Variants in ZNF831 observed in about 807,000 individuals in gnomAD.
ZNF831 encodes the protein zinc finger protein 831.
Under a neutral mutation model 95.8 loss-of-function variants are expected in ZNF831, and 59 were observed. The ratio of observed to expected loss-of-function variants is 0.62; its 90% confidence interval spans 0.50 to 0.77. ZNF831 has a LOEUF of 0.77. ZNF831 is among the 30% of genes least tolerant of loss of function. The pLI, the probability that ZNF831 is intolerant of heterozygous loss-of-function variation, is 0.00. For missense variants in ZNF831, 2,205 were observed against 2,164.0 expected, an observed-to-expected ratio of 1.02 and a Z score of -0.38; for synonymous variants, 961 against 925.5, an observed-to-expected ratio of 1.04 and a Z score of -0.70.
chr20:59,243,693 T>C (rs1056939143), intron 4 of ZNF831, among the ~76,000 whole-genome samples: 2 of 152,210 alleles, frequency 1.3e-5, no homozygotes, highest in Non-Finnish European at 2.9e-5. Flanking sequence ...AGATATTCTT[T>C]TCCTAAAGCC....
rs1035926704 is a variant in ZNF831 at position 59,256,413 on chromosome 20, A to G, written c.*1670A>G. On this transcript the variant is annotated 3_prime_UTR_variant, in exon 6 of 6. Transcript: ENST00000371030. ...TGACTTAGTGTACTTTTTAAACCCA[A>G]CAAAAGCGATGTGGTGATTATCTCC... 10 of 152,372 alleles carry G rather than the reference A, an allele frequency of 6.6e-5. No homozygotes were observed. The highest frequency in any genetic ancestry group is 2.4e-4 in the African/African-American group (10 of 41,584). The allele number at this position is 152,372 out of a possible 1,614,324, so 9.4% of individuals were successfully genotyped here. A position where few individuals can be genotyped will look rare whatever the true frequency, so the allele number is the denominator to read the frequency against.
At chr20:59,195,346 C>A (rs1984007941) in intron 2 of ZNF831, among the ~76,000 whole-genome samples, 1 of 152,208 alleles carries the variant, frequency 6.6e-6, no homozygotes, top group Admixed American at 6.5e-5. Context: ...TGACTGAGGG[C>A]TTAGTCCTGC....
At chr20:59,151,160 C>T (rs921862428) in intron 2 of ZNF831, among the ~76,000 whole-genome samples, 4 of 152,008 alleles carry the variant, frequency 2.6e-5, no homozygotes, top group African/African-American at 7.3e-5. Context: ...GATGAAGATG[C>T]GAGGGGGCTA....
At chr20:59,204,432 A>G (rs1984739349) in intron 3 of ZNF831, among the ~76,000 whole-genome samples, 1 of 152,102 alleles carries the variant, frequency 6.6e-6, no homozygotes. Context: ...ACTCTTTGTC[A>G]CGTTGGCCAC....
chr20:59,126,931 T>A (rs1303621082), intron 1 of ZNF831, among the ~76,000 whole-genome samples: 1 of 152,182 alleles, frequency 6.6e-6, no homozygotes, highest in Non-Finnish European at 1.5e-5. Context: ...AGAGTGTGGC[T>A]TTGAGCGCCT....
intron 1 of ZNF831, among the ~76,000 whole-genome samples, chr20:59,141,549 G>T (rs1979680354): frequency 6.6e-6 from 1 of 152,034 alleles, no homozygotes; most frequent in Non-Finnish European, 1.5e-5. Flanking sequence ...TCTATTTCTG[G>T]GATCTTTATT....
chr20:59,151,292 G>T (rs1470097013), intron 2 of ZNF831, among the ~76,000 whole-genome samples: 5 of 152,148 alleles, frequency 3.3e-5, no homozygotes, highest in Non-Finnish European at 5.9e-5. Context: ...CCTTCCTGAG[G>T]CTCCAGCACC....
chr20:59,144,252 C>G (rs1167189500), intron 1 of ZNF831, among the ~76,000 whole-genome samples: 1 of 152,186 alleles, frequency 6.6e-6, no homozygotes, highest in Admixed American at 6.5e-5. Context: ...TTACCACACA[C>G]AGTAGAACAT....
intron 1 of ZNF831, among the ~76,000 whole-genome samples, chr20:59,184,407 C>G (rs1055213628): frequency 2.0e-5 from 3 of 152,108 alleles, no homozygotes; most frequent in African/African-American, 7.2e-5. Flanking sequence ...TCCTCCCTCC[C>G]CCCTTTTTTT....
At chr20:59,124,927 G>A (rs1252465656) in intron 1 of ZNF831, among the ~76,000 whole-genome samples, 1 of 152,224 alleles carries the variant, frequency 6.6e-6, no homozygotes, top group Non-Finnish European at 1.5e-5. Context: ...TCTGATTGGA[G>A]GCGATCATTT....
intron 1 of ZNF831, among the ~76,000 whole-genome samples, chr20:59,144,098 C>T (rs1236772112): frequency 6.6e-6 from 1 of 152,044 alleles, no homozygotes; most frequent in Non-Finnish European, 1.5e-5. Context: ...TTTTTAAAAT[C>T]ATGTAATTTG....
intron 5 of ZNF831, 69 bp downstream of exon 5, chr20:59,253,207 C>T (rs1353633133): frequency 1.3e-6 from 2 of 1,559,366 alleles, no homozygotes; most frequent in East Asian, 2.3e-5. Context: ...CTTGTTCTTG[C>T]TGCTCTTGTT....
At chr20:59,165,202 C>T (rs935254963) in intron 1 of ZNF831, among the ~76,000 whole-genome samples, 4 of 152,146 alleles carry the variant, frequency 2.6e-5, no homozygotes, top group Admixed American at 6.5e-5. Flanking sequence ...CCCAAAAGCA[C>T]CTGCCTAGGG....
chr20:59,245,839 ATC>A lies in ZNF831; in HGVS notation c.4028-7137_4028-7136del, dbSNP rs1357456953. Among the ~76,000 whole-genome samples the A allele has an allele frequency of 5.9e-5, 9 of 152,372 alleles. No individual in the cohort carries two copies. The South Asian group carries it at 1.7e-3, about 28-fold the overall frequency. Reference sequence around the variant, plus strand: ...CCCATTCACTGAATTTGGAGAAAGTATCTGAGAGGAAAAAGTGATCAAAACAC... The same window carrying A: ...CCCATTCACTGAATTTGGAGAAAGTATGAGAGGAAAAAGTGATCAAAACAC... On this transcript the variant is annotated intron_variant, in intron 4 of 5. Transcript: ENST00000371030.
chr20:59,188,839 G>A (rs1249165665), intron 1 of ZNF831, among the ~76,000 whole-genome samples: 8 of 152,098 alleles, frequency 5.3e-5, no homozygotes, highest in Admixed American at 5.2e-4. Context: ...AGATTTTGAA[G>A]TCAAATTTAT....
chr20:59,177,521 G>T (rs1283712057), intron 1 of ZNF831, among the ~76,000 whole-genome samples: 1 of 152,086 alleles, frequency 6.6e-6, no homozygotes, highest in African/African-American at 2.4e-5. Context: ...CCACCACTAG[G>T]TTCCCATGTT....
At chr20:59,225,863 A>G (rs886274797) in intron 4 of ZNF831, among the ~76,000 whole-genome samples, 1 of 152,210 alleles carries the variant, frequency 6.6e-6, no homozygotes, top group Non-Finnish European at 1.5e-5. Flanking sequence ...AGGTTTAAGC[A>G]CAAAAGGGAA....
At chr20:59,201,892 T>C (rs931264980) in intron 3 of ZNF831, among the ~76,000 whole-genome samples, 21 of 152,346 alleles carry the variant, frequency 1.4e-4, no homozygotes, top group African/African-American at 5.0e-4. Flanking sequence ...CTGTGGTCAA[T>C]TGATTTTTCA....
chr20:59,222,786 G>C (rs1038083865), intron 4 of ZNF831, among the ~76,000 whole-genome samples: 16 of 152,218 alleles, frequency 1.1e-4, no homozygotes, highest in Non-Finnish European at 1.3e-4. Context: ...GCGGACCCCA[G>C]ACTCGTGCAA....
Sources: gnomAD v4.1 joint callset for allele counts (sites outside exome capture counted in the v4.1 genomes callset) on GRCh38, gnomAD v4.1.1 for gene constraint, MANE v1.5 for transcripts, NCBI Gene and HGNC (gene_info 2026-07-23, HGNC 2026-07-21) for gene names.